The following SPOCK1 variants were observed in gnomAD, a reference collection of about 807,000 sequenced individuals.
SPOCK1 encodes the protein testican-1.
In SPOCK1, 23 loss-of-function variants were observed where a neutral mutation model predicts 55.3. The observed-to-expected ratio is 0.42, with a 90% CI of 0.30 to 0.59. The LOEUF (loss-of-function observed/expected upper bound fraction) is 0.59, where lower values mean the gene tolerates loss of function less well. Among genes scored for constraint, SPOCK1 ranks in the 20% least tolerant of loss-of-function variants. The pLI is 0.22. For missense variants in SPOCK1, 499 were observed against 552.5 expected, an observed-to-expected ratio of 0.90 and a Z score of 0.97; for synonymous variants, 226 against 221.0, an observed-to-expected ratio of 1.02 and a Z score of -0.20.
chr5:137,464,872 G>T (rs2149838316), intron 2 of SPOCK1, among the ~76,000 whole-genome samples: 1 of 152,296 alleles, frequency 6.6e-6, no homozygotes, highest in African/African-American at 2.4e-5. Context: ...AACATTCCTA[G>T]TGAATTAAAT....
chr5:137,307,535 T>C (rs946150286), intron 2 of SPOCK1, among the ~76,000 whole-genome samples: 2 of 152,260 alleles, frequency 1.3e-5, no homozygotes, highest in African/African-American at 2.4e-5. Context: ...TTTTACCCAT[T>C]GTGGGTAACA....
intron 6 of SPOCK1, among the ~76,000 whole-genome samples, chr5:137,058,855 C>A (rs1752343812): frequency 6.6e-6 from 1 of 152,116 alleles, no homozygotes; most frequent in South Asian, 2.1e-4. Context: ...ATTTGAGGAG[C>A]TCCAGGGAGA....
At chr5:137,415,164 T>C (rs1752303770) in intron 2 of SPOCK1, among the ~76,000 whole-genome samples, 1 of 152,248 alleles carries the variant, frequency 6.6e-6, no homozygotes, top group African/African-American at 2.4e-5. Context: ...AATGTGTAAA[T>C]AGAGATTTAT....
chr5:137,376,708 G>GT (rs200106050), intron 2 of SPOCK1, among the ~76,000 whole-genome samples: 34 of 151,886 alleles, frequency 2.2e-4, no homozygotes, highest in African/African-American at 7.5e-4. Flanking sequence ...TCAGGCTCTT[G>GT]TTTTTTTTCT....
At chr5:136,980,748 A>ATAAT (rs1750712543) in intron 9 of SPOCK1, among the ~76,000 whole-genome samples, 1 of 152,186 alleles carries the variant, frequency 6.6e-6, no homozygotes, top group Non-Finnish European at 1.5e-5. Context: ...ATTGAGGCAT[A>ATAAT]TAATTTTGTT....
chr5:137,172,310 G>A (rs1754768109), intron 3 of SPOCK1, among the ~76,000 whole-genome samples: 1 of 152,162 alleles, frequency 6.6e-6, no homozygotes. Context: ...TGATACCTCA[G>A]TGATGGCAGG....
intron 2 of SPOCK1, among the ~76,000 whole-genome samples, chr5:137,358,396 A>AGGAAGGAAGGAAGGAAGGAAGGAAGGAG (rs1395824693): frequency 8.7e-5 from 11 of 126,598 alleles, no homozygotes; most frequent in Non-Finnish European, 1.3e-4. Context: ...ACGGAAAGGA[A>AGGAAGGAAGGAAGGAAGGAAGGAAGGAG]GGAAGGAAGG....
chr5:137,124,995 G>A (rs2127040334), intron 4 of SPOCK1, among the ~76,000 whole-genome samples: 1 of 152,288 alleles, frequency 6.6e-6, no homozygotes, highest in Middle Eastern at 3.4e-3. Context: ...CACATTCTGA[G>A]TATTTTCTGT....
At chr5:137,461,022 C>T (rs1003149607) in intron 2 of SPOCK1, among the ~76,000 whole-genome samples, 1 of 152,180 alleles carries the variant, frequency 6.6e-6, no homozygotes, top group Non-Finnish European at 1.5e-5. Context: ...CCTCTCTGGA[C>T]GTAGCTCTAT....
At chr5:137,485,995 C>T (rs1046918852) in intron 2 of SPOCK1, among the ~76,000 whole-genome samples, 2 of 152,190 alleles carry the variant, frequency 1.3e-5, no homozygotes, top group African/African-American at 4.8e-5. Flanking sequence ...GTATGCTATG[C>T]TCCAATGAAA....
Position 137,140,652 on chromosome 5 carries a change from C to T in SPOCK1, c.275G>A (p.Ser92Asn). ...SKDPCLKVKCSPHKVCVTQDY... is the reference protein window; with the variant it reads ...SKDPCLKVKCNPHKVCVTQDY... ...CTGGGTCACACACACTTTGTGAGGG[C>T]TGCATTTTACCTTCAGGCAGGGGTC... is the stretch of plus-strand genomic sequence containing the variant. Residue 92 changes from serine (S) to asparagine (N), a missense_variant, in exon 4 of 11, where the codon AGC (serine) becomes AAC (asparagine). Physicochemically the swap from Ser to Asn is conservative, Grantham distance 46 (BLOSUM62 1). This residue lies in a region of SPOCK1 where 386 missense variants were observed against 400.6 expected (regional missense o/e 0.96). Transcript: ENST00000394945. 6.2e-7 allele frequency: 1 copy of T among 1,613,254 alleles called. No homozygotes were observed. The highest frequency in any genetic ancestry group is 8.5e-7 in the Non-Finnish European group (1 of 1,179,706).
chr5:137,212,819 G>A (rs112851862), intron 3 of SPOCK1, among the ~76,000 whole-genome samples: 2,179 of 152,330 alleles, frequency 0.014, 51 homozygotes, highest in African/African-American at 0.049. Context: ...CTTCTTGCAC[G>A]TGGATAACAG....
At chr5:137,262,494 C>A (rs1042885833) in intron 3 of SPOCK1, among the ~76,000 whole-genome samples, 1 of 152,206 alleles carries the variant, frequency 6.6e-6, no homozygotes, top group African/African-American at 2.4e-5. Context: ...TTCCCTACCC[C>A]CCAGTAGGAC....
At chr5:137,467,399 C>G (rs1753642210) in intron 2 of SPOCK1, among the ~76,000 whole-genome samples, 1 of 152,196 alleles carries the variant, frequency 6.6e-6, no homozygotes, top group South Asian at 2.1e-4. Flanking sequence ...CCAACTCTTC[C>G]TTTCCTTCTT....
At chr5:137,134,278 AAC>A (rs1336212018) in intron 4 of SPOCK1, among the ~76,000 whole-genome samples, 1 of 152,210 alleles carries the variant, frequency 6.6e-6, no homozygotes, top group Non-Finnish European at 1.5e-5. Flanking sequence ...AGTAAGCAGC[AAC>A]CTTGAGCCAG....
chr5:137,013,603 G>T (rs984893954), intron 6 of SPOCK1, among the ~76,000 whole-genome samples: 1 of 152,046 alleles, frequency 6.6e-6, no homozygotes, highest in Non-Finnish European at 1.5e-5. Flanking sequence ...TGTGTAGTCC[G>T]AATGCCAACC....
chr5:137,322,225 CA>C (rs1443058666), intron 2 of SPOCK1, among the ~76,000 whole-genome samples: 1 of 151,744 alleles, frequency 6.6e-6, no homozygotes. Flanking sequence ...CCCAGCTACT[CA>C]GGAGACTGAG....
chr5:137,058,222 A>G (rs1752335567), intron 6 of SPOCK1, among the ~76,000 whole-genome samples: 1 of 152,236 alleles, frequency 6.6e-6, no homozygotes, highest in South Asian at 2.1e-4. Context: ...TTAAGAACAC[A>G]GTATAATGTA....
At chr5:137,413,233 G>GT (rs893977667) in intron 2 of SPOCK1, among the ~76,000 whole-genome samples, 6 of 151,778 alleles carry the variant, frequency 4.0e-5, no homozygotes, top group Non-Finnish European at 5.9e-5. Context: ...TCTATTTTGG[G>GT]TTTTTTTTCC....
Sources: allele counts gnomAD v4.1 joint callset (sites outside exome capture counted in the v4.1 genomes callset), GRCh38; gene constraint gnomAD v4.1.1; regional missense constraint gnomAD v4.1.1; transcripts MANE v1.5; gene names NCBI Gene and HGNC (gene_info 2026-07-23, HGNC 2026-07-21).